Variants in IL1RAPL2 observed in about 807,000 individuals in gnomAD.
IL1RAPL2 encodes interleukin 1 receptor accessory protein like 2.
In IL1RAPL2, 3 loss-of-function variants were observed where a neutral mutation model predicts 44.1. The observed-to-expected ratio is 0.07, with a 90% CI of 0.03 to 0.18. The LOEUF is 0.18. Among genes scored for constraint, IL1RAPL2 ranks in the 10% least tolerant of loss-of-function variants. IL1RAPL2 has a pLI of 1.00. For synonymous variants in IL1RAPL2, 181 were observed against 178.8 expected, an observed-to-expected ratio of 1.01 and a Z score of -0.10; for missense variants, 391 against 496.4, an observed-to-expected ratio of 0.79 and a Z score of 2.02.
chrX:104,622,500 CT>C (rs11349452), intron 1 of IL1RAPL2, among the ~76,000 whole-genome samples: 6,705 of 103,566 alleles, frequency 0.065, 520 homozygotes, highest in African/African-American at 0.22. Flanking sequence ...CAAACTTGTG[CT>C]TTTTTTTTTT....
rs773490063 is a variant in IL1RAPL2 at position 105,249,070 on chromosome X, A to T, written c.543+15066A>T. ...CATGTTTATTGCAGCACTATGCACAATAGCCACAATTTGGAAGCAACCTAA... is the reference window on the plus strand; with the variant it reads ...CATGTTTATTGCAGCACTATGCACATTAGCCACAATTTGGAAGCAACCTAA... On this transcript the variant is annotated intron_variant, in intron 4 of 10. Transcript: ENST00000372582. 5.7e-3 allele frequency among the ~76,000 whole-genome samples: 634 copies of T among 111,659 alleles called. 3 individuals carry two copies. The highest frequency in any genetic ancestry group is 0.02 in the African/African-American group (621 of 30,824).
chrX:104,599,615 AT>A (rs1002877485), intron 1 of IL1RAPL2, among the ~76,000 whole-genome samples: 4 of 103,966 alleles, frequency 3.8e-5, no homozygotes, highest in Admixed American at 1.1e-4. Context: ...CCCAGATCGA[AT>A]TTAGAAAGGA....
intron 6 of IL1RAPL2, among the ~76,000 whole-genome samples, chrX:105,538,753 T>G (rs1460728654): frequency 9.0e-6 from 1 of 111,601 alleles, no homozygotes; most frequent in African/African-American, 3.3e-5. Context: ...TGAAACTCTC[T>G]CTCTTCACTG....
At chrX:105,118,992 CT>C (rs1463060671) in intron 2 of IL1RAPL2, among the ~76,000 whole-genome samples, 2 of 111,452 alleles carry the variant, frequency 1.8e-5, no homozygotes, top group African/African-American at 3.3e-5. Flanking sequence ...GGGGACAAGC[CT>C]TATGGATCCC....
chrX:105,176,268 C>T (rs964461611), intron 2 of IL1RAPL2, among the ~76,000 whole-genome samples: 4 of 111,137 alleles, frequency 3.6e-5, no homozygotes, highest in Admixed American at 1.9e-4. Flanking sequence ...CCTGTAACTA[C>T]ACCCATTTCC....
In IL1RAPL2 at chrX:104,778,564, A is replaced by AAT. The variant is rs35804353; in HGVS notation, c.82+119587_82+119588dup. On this transcript the variant is annotated intron_variant, in intron 2 of 10. Transcript: ENST00000372582. ...GACAGAGTGAGACTCCGTCTCAAAT[A>AAT]ATATATATATATATATATAAATATA... 5.2e-3 allele frequency among the ~76,000 whole-genome samples: 518 copies of AAT among 99,475 alleles called. 6 individuals carry two copies. The South Asian group carries it at 0.062, about 12-fold the overall frequency. The allele number at this position is 99,475 out of a possible 115,157, so 86.4% of individuals were successfully genotyped here. A position where few individuals can be genotyped will look rare whatever the true frequency, so the allele number is the denominator to read the frequency against.
chrX:105,130,929 C>T (rs922999314), intron 2 of IL1RAPL2, among the ~76,000 whole-genome samples: 2 of 110,594 alleles, frequency 1.8e-5, no homozygotes, highest in Admixed American at 9.7e-5. Context: ...TATATAAATA[C>T]GAAATTTGAA....
At chrX:105,548,549 A>G (rs1242634506) in intron 6 of IL1RAPL2, among the ~76,000 whole-genome samples, 3 of 112,136 alleles carry the variant, frequency 2.7e-5, no homozygotes, top group Non-Finnish European at 5.6e-5. Flanking sequence ...ATAGGCAGCA[A>G]AAAGATTGTG....
intron 6 of IL1RAPL2, among the ~76,000 whole-genome samples, chrX:105,514,794 G>A (rs887994589): frequency 2.7e-5 from 3 of 111,630 alleles, no homozygotes; most frequent in African/African-American, 9.8e-5. Flanking sequence ...ACTTTCTAAG[G>A]ACCAGCAGCA....
chrX:105,354,124 C>T, intron 5 of IL1RAPL2, among the ~76,000 whole-genome samples: 1 of 110,812 alleles, frequency 9.0e-6, no homozygotes, highest in Non-Finnish European at 1.9e-5. Context: ...CCTAAAAATA[C>T]CATTTGACCC....
chrX:104,609,669 G>A (rs948479652), intron 1 of IL1RAPL2, among the ~76,000 whole-genome samples: 1 of 111,504 alleles, frequency 9.0e-6, no homozygotes, highest in Non-Finnish European at 1.9e-5. Flanking sequence ...CATGCTTCAC[G>A]AAGTTCTCAT....
At chrX:104,618,695 C>A (rs1179317289) in intron 1 of IL1RAPL2, among the ~76,000 whole-genome samples, 1 of 111,133 alleles carries the variant, frequency 9.0e-6, no homozygotes, top group Non-Finnish European at 1.9e-5. Context: ...GCAGAGAGGG[C>A]CCTTCTGTAC....
chrX:104,765,496 CAT>C (rs1285490795), intron 2 of IL1RAPL2, among the ~76,000 whole-genome samples: 1 of 111,987 alleles, frequency 8.9e-6, no homozygotes, highest in African/African-American at 3.2e-5. Flanking sequence ...GTGGTAAACA[CAT>C]ATAAATAAAG....
At chrX:104,611,021 C>T (rs1217449701) in intron 1 of IL1RAPL2, among the ~76,000 whole-genome samples, 1 of 111,569 alleles carries the variant, frequency 9.0e-6, no homozygotes, top group Non-Finnish European at 1.9e-5. Flanking sequence ...CCTGATCCTT[C>T]CTCTGGAAGC....
chrX:104,904,018 G>A (rs1390777207), intron 2 of IL1RAPL2, among the ~76,000 whole-genome samples: 2 of 111,547 alleles, frequency 1.8e-5, no homozygotes, highest in Non-Finnish European at 3.8e-5. Context: ...CCTGTAGTTT[G>A]GATTGTTGAG....
At chrX:104,957,610 C>A (rs183981178) in intron 2 of IL1RAPL2, among the ~76,000 whole-genome samples, 6 of 112,257 alleles carry the variant, frequency 5.3e-5, no homozygotes, top group Admixed American at 2.8e-4. Flanking sequence ...AATTTGGGAA[C>A]TTGACTTTAT....
At chrX:105,565,608 G>C (rs1453971671) in intron 6 of IL1RAPL2, among the ~76,000 whole-genome samples, 2 of 111,907 alleles carry the variant, frequency 1.8e-5, no homozygotes, top group Middle Eastern at 4.7e-3. Context: ...AACTTTCAGT[G>C]GACTGACAGG....
At chrX:105,491,623 G>T (rs1210846280) in intron 6 of IL1RAPL2, among the ~76,000 whole-genome samples, 1 of 111,637 alleles carries the variant, frequency 9.0e-6, no homozygotes, top group African/African-American at 3.3e-5. Context: ...GACATTCTAG[G>T]GTTAGTGAGT....
At chrX:104,737,261 A>G (rs1315516481) in intron 2 of IL1RAPL2, among the ~76,000 whole-genome samples, 2 of 112,584 alleles carry the variant, frequency 1.8e-5, no homozygotes, top group Non-Finnish European at 3.8e-5. Context: ...AGAATGGTAC[A>G]AGCAATATGT....
Sources: gnomAD v4.1 joint callset for allele counts (sites outside exome capture counted in the v4.1 genomes callset) on GRCh38, gnomAD v4.1.1 for gene constraint, MANE v1.5 for transcripts, NCBI Gene and HGNC (gene_info 2026-07-23, HGNC 2026-07-21) for gene names.